The following CLK4 variants were observed in gnomAD, a reference collection of about 807,000 sequenced individuals.
The protein encoded by CLK4 is CDC like kinase 4.
Under a neutral mutation model 64.4 loss-of-function variants are expected in CLK4, and 37 were observed. The observed-to-expected ratio is 0.57, with a 90% CI of 0.44 to 0.76. The LOEUF (loss-of-function observed/expected upper bound fraction) is 0.76, where lower values mean the gene tolerates loss of function less well. CLK4 is among the 30% of genes least tolerant of loss of function. CLK4 has a pLI of 0.00. For synonymous variants in CLK4, 175 were observed against 191.6 expected (o/e 0.91, Z 0.72); for missense variants, 457 against 605.1 (o/e 0.76, Z 2.57).
chr5:178,618,523 C>T, intron 3 of CLK4, 33 bp downstream of exon 3: 1 of 1,502,078 alleles, frequency 6.7e-7, no homozygotes, highest in Non-Finnish European at 9.2e-7. Context: ...ACAAATAAAA[C>T]TCCACTCAAA....
chr5:178,623,307 G>A lies in CLK4; in HGVS notation c.110C>T (p.Thr37Ile). 1 of 1,613,898 alleles carries A rather than the reference G, an allele frequency of 6.2e-7. No homozygotes were observed. Among genetic ancestry groups the A allele is most frequent in the South Asian group, 1.1e-5 (1 of 91,072 alleles). ...TGGTTTACAATGCCTGTTCTCTTGT[G>A]TGCTACTATGAGATCTCCTCTTCCG... ...HKRKRRSHSS[T>I]QENRHCKPHH... The change falls in exon 2 of 13, where the codon ACA (threonine) becomes ATA (isoleucine). Residue 37 changes from threonine (T) to isoleucine (I), a missense_variant. Thr to Ile is a moderately conservative substitution (Grantham distance 89). Coordinates refer to ENST00000316308, the MANE Select transcript of CLK4 (RefSeq NM_020666.3).
At chr5:178,603,781 T>TA (rs750111964) in intron 12 of CLK4, 24 bp from the exon 13 acceptor site, 16 of 1,577,708 alleles carry the variant, frequency 1.0e-5, no homozygotes, top group East Asian at 9.0e-5. Context: ...GTTTTTGTTT[T>TA]AAAAAAAATT....
chr5:178,612,418 A>C lies in CLK4; in HGVS notation c.1049T>G (p.Leu350Trp), dbSNP rs1183931609. 19 of 1,607,484 alleles carry C rather than the reference A, an allele frequency of 1.2e-5. No individual in the cohort carries two copies. In the East Asian group the frequency reaches 4.3e-4, roughly 36 times the overall value. ...TRHYRAPEVI[L>W]ALGWSQPCDV... The stretch of plus-strand genomic sequence containing the variant: ...TAGAAAGCCTGGTGTCTACTGACCC[A>C]AAATGACCTCGGGAGCTCTGTAGTG... The change falls in exon 9 of 13, where the codon TTG becomes TGG. Residue 350 changes from leucine (L) to tryptophan (W), a missense_variant and splice_region_variant. Transcript: ENST00000316308.
intron 5 of CLK4, 148 bp downstream of exon 5, chr5:178,616,734 T>G (rs1457603175): frequency 1.7e-6 from 1 of 580,350 alleles, no homozygotes; most frequent in East Asian, 3.1e-5. Context: ...AGGCGGCAGT[T>G]GCAGTGAGCC....
At chr5:178,620,197 G>C in intron 2 of CLK4, 1 of 278,934 alleles carries the variant, frequency 3.6e-6, no homozygotes, top group East Asian at 8.1e-5. Flanking sequence ...ATTTGGGTAA[G>C]ACTGTGGGTA....
At position 178,617,323 on chromosome 5, in the gene CLK4, G is replaced by A; in HGVS notation, c.475+21C>T. ...TTATTCTTTCTGCAAAGTTTAAAAAGTGTTGAAAAATATTCTATACATCTT... is the reference window on the plus strand; with the variant it reads ...TTATTCTTTCTGCAAAGTTTAAAAAATGTTGAAAAATATTCTATACATCTT... On this transcript the variant is annotated intron_variant, in intron 4 of 12. Coordinates refer to ENST00000316308, the MANE Select transcript of CLK4 (RefSeq NM_020666.3). The surrounding 1 kb of genome is among the most constrained non-coding windows in gnomAD (Gnocchi z 5.2). 6.4e-7 allele frequency: 1 copy of A among 1,569,642 alleles called. No individual in the cohort carries two copies. Among genetic ancestry groups the A allele is most frequent in the Non-Finnish European group, 8.8e-7 (1 of 1,139,578 alleles).
At position 178,614,526 on chromosome 5, in the gene CLK4, T is replaced by C. The variant is rs1412211072; in HGVS notation, c.543-683A>G. 5.3e-5 allele frequency among the ~76,000 whole-genome samples: 8 copies of C among 152,324 alleles called. No homozygotes were observed. In the East Asian group the frequency reaches 1.5e-3, roughly 29 times the overall value. On this transcript the variant is annotated intron_variant, in intron 5 of 12. Coordinates refer to ENST00000316308, the MANE Select transcript of CLK4 (RefSeq NM_020666.3). ...CCTAAAAAGTATAGAGCCATAAATG[T>C]TGCAAATCTTCAATTTATTTTTGTC...
rs1350835940 is a variant in CLK4 at position 178,603,752 on chromosome 5, A to T, written c.1311T>A (p.Phe437Leu). 6.3e-7 allele frequency: 1 copy of T among 1,586,712 alleles called. No individual in the cohort carries two copies. The highest frequency in any genetic ancestry group is 1.4e-5 in the African/African-American group (1 of 73,290). Residue 437 changes from phenylalanine to leucine, a missense_variant, in exon 13 of 13, where the codon TTT (phenylalanine) becomes TTA (leucine). Transcript: ENST00000316308. ...VRRRCKPLKE[F>L]MLCHDEEHEK... ...CATGTTCTTCATCATGACAAAGCAT[A>T]AATTCCTGGGGGAGAAATGTTTTTG...
chr5:178,622,043 C>A (rs1764714516), intron 2 of CLK4: 1 of 152,190 alleles, frequency 6.6e-6, no homozygotes, highest in Non-Finnish European at 1.5e-5. Flanking sequence ...TGGTGGTTAA[C>A]TGGACTCAGT....
chr5:178,618,268 A>G (rs1014874452), intron 3 of CLK4: 2 of 155,162 alleles, frequency 1.3e-5, no homozygotes, highest in African/African-American at 4.8e-5. Flanking sequence ...TTTTTTCATA[A>G]GAATATGTTA....
chr5:178,607,896 G>A (rs1200098859), intron 10 of CLK4, among the ~76,000 whole-genome samples: 1 of 152,130 alleles, frequency 6.6e-6, no homozygotes, highest in Non-Finnish European at 1.5e-5. Context: ...TGCATGACTT[G>A]AGAAAGATGT....
Position 178,623,294 on chromosome 5 carries a change from C to T in CLK4, c.123G>A (p.Arg41=). 1.2e-6 allele frequency: 2 copies of T among 1,613,884 alleles called. No homozygotes were observed. Among genetic ancestry groups the T allele is most frequent in the South Asian group, 2.2e-5 (2 of 91,048 alleles). The change falls in exon 2 of 13, where the codon AGG becomes AGA. Residue 41 remains arginine, a synonymous_variant. Transcript: ENST00000316308. ...TAAACTGGTGATGTGGTTTACAATG[C>T]CTGTTCTCTTGTGTGCTACTATGAG... ...RRSHSSTQEN[R]HCKPHHQFKE...
At chr5:178,605,142 A>AAAG (rs3065240) in intron 11 of CLK4, 161 bp downstream of exon 11, 1 of 331,854 alleles carries the variant, frequency 3.0e-6, no homozygotes, top group African/African-American at 2.2e-5. Flanking sequence ...AAAAAAAAAA[A>AAAG]GGAGTAAGAT....
At chr5:178,604,241 G>A in intron 11 of CLK4, 1 of 193,102 alleles carries the variant, frequency 5.2e-6, no homozygotes, top group Non-Finnish European at 1.0e-5. Context: ...GAATGGGGCT[G>A]GAAATCTTTA....
Position 178,623,403 on chromosome 5 carries a change from T to C in CLK4, c.14A>G (p.Lys5Arg). 6.2e-7 allele frequency: 1 copy of C among 1,610,716 alleles called. No individual in the cohort carries two copies. Among genetic ancestry groups the C allele is most frequent in the Non-Finnish European group, 8.5e-7 (1 of 1,178,962 alleles). Residue 5 changes from lysine (K) to arginine (R), a missense_variant, in exon 2 of 13, where the codon AAA (lysine) becomes AGA (arginine). Physicochemically the swap from Lys to Arg is conservative, Grantham distance 26. Coordinates refer to ENST00000316308, the MANE Select transcript of CLK4 (RefSeq NM_020666.3). ...ATCCCAATCAGGACAGTGAGTTCTT[T>C]TGGAATGCCGCATCTGTTGATAGAA... MRHS[K>R]RTHCPDWDSR... is the part of the protein sequence containing the mutation.
Position 178,612,797 on chromosome 5 carries a change from AT to A in CLK4, c.919del (p.Met307Ter). 6.7e-7 allele frequency: 1 copy of A among 1,502,792 alleles called. No individual in the cohort carries two copies. Among genetic ancestry groups the A allele is most frequent in the Admixed American group, 1.8e-5 (1 of 55,252 alleles). 93.1% of individuals were successfully genotyped at this position (1,502,792 alleles called of 1,614,324 possible). ...AATTAAAACAAGTCTTTAACTTACCATTTTAGAATTATATTTGACTACATAG... is the reference window on the plus strand; with the variant it reads ...AATTAAAACAAGTCTTTAACTTACCATTTAGAATTATATTTGACTACATAG... ...SDYVVKYNSKMKRDERTLKNT... is the reference protein window; with the variant it reads ...SDYVVKYNSKXKRDERTLKNT... On this transcript the variant is annotated frameshift_variant and splice_region_variant, in exon 8 of 13. Transcript: ENST00000316308. LOFTEE classifies it high-confidence loss of function.
intron 2 of CLK4, among the ~76,000 whole-genome samples, chr5:178,619,503 TAAGA>T (rs1040849463): frequency 5.3e-5 from 8 of 152,152 alleles, no homozygotes; most frequent in African/African-American, 1.9e-4. Context: ...CCCCCTAAAA[TAAGA>T]AAGGGATCCT....
chr5:178,620,988 C>A (rs1288873734), intron 2 of CLK4, among the ~76,000 whole-genome samples: 1 of 152,076 alleles, frequency 6.6e-6, no homozygotes, highest in African/African-American at 2.4e-5. Flanking sequence ...GCACTTTTAG[C>A]CACAATGGCT....
chr5:178,610,207 T>C (rs1764537276), intron 9 of CLK4, among the ~76,000 whole-genome samples: 1 of 151,912 alleles, frequency 6.6e-6, no homozygotes, highest in African/African-American at 2.4e-5. Flanking sequence ...GGAGAATCGC[T>C]TGAACCCGGG....
Sources: gnomAD v4.1 joint callset for allele counts (sites outside exome capture counted in the v4.1 genomes callset) on GRCh38, gnomAD v4.1.1 for gene constraint, Gnocchi (gnomAD v3.1) non-coding constraint, MANE v1.5 for transcripts, NCBI Gene and HGNC (gene_info 2026-07-23, HGNC 2026-07-21) for gene names.